Variants in CACNA1C observed in about 807,000 individuals in gnomAD.
The protein encoded by CACNA1C is calcium voltage-gated channel subunit alpha1 C, also known as voltage-dependent L-type calcium channel subunit alpha-1C.
In CACNA1C, 30 loss-of-function variants were observed where a neutral mutation model predicts 229.0. The ratio of observed to expected loss-of-function variants is 0.13; its 90% CI spans 0.10 to 0.18. The LOEUF is 0.18. CACNA1C is among the 10% of genes least tolerant of loss of function. The pLI is 1.00. For missense variants in CACNA1C, 1,658 were observed against 2,845.0 expected (o/e 0.58, Z 9.49); for synonymous variants, 1,114 against 1,132.5 (o/e 0.98, Z 0.33).
Position 1,997,856 on chromosome 12 carries a change from C to T in CACNA1C, c.139+26655C>T, listed in dbSNP as rs138922344. 1.1e-3 allele frequency: 1,254 copies of T among 1,131,718 alleles called. 11 individuals carry two copies. In the African/African-American group the frequency reaches 0.018, roughly 16 times the overall value. The allele number at this position is 1,131,718 out of a possible 1,614,324, so 70.1% of individuals were successfully genotyped here. ...CTTCTTTTTGAAATAAAACTGCATG[C>T]ACTTGAAGAAGAGTGACACAACGGA... On this transcript the variant is annotated intron_variant, in intron 1 of 46. Coordinates refer to the CACNA1C transcript ENST00000682462.
chr12:2,677,101 G>A lies in CACNA1C; in HGVS notation c.4836G>A (p.Glu1612=). The A allele has an allele frequency of 6.2e-7, 1 of 1,613,166 alleles. No individual in the cohort carries two copies. The highest frequency in any genetic ancestry group is 1.3e-5 in the African/African-American group (1 of 75,022). ...DQVVPPAGDD[E]VTVGKFYATF... ...CCTCTCCATACGTCTCAGATGATGA[G>A]GTCACCGTTGGCAAGTTCTACGCCA... The change falls in exon 40 of 47, where the codon GAG becomes GAA. Residue 1612 remains glutamate (E), a synonymous_variant. Transcript: ENST00000399655. This position sits in a 1 kb window ranked among gnomAD's most constrained non-coding sequence, Gnocchi z 7.4.
intron 3 of CACNA1C, among the ~76,000 whole-genome samples, chr12:2,387,400 G>A (rs144155632): frequency 4.3e-4 from 66 of 152,204 alleles, no homozygotes; most frequent in African/African-American, 1.5e-3. Context: ...CAGGAGAATC[G>A]CTTGAAACCG....
rs1287236823 is a variant in CACNA1C, at chr12:2,664,978, C to T, written c.4386C>T (p.Leu1462=). 1 of 1,614,170 alleles carries T rather than the reference C, an allele frequency of 6.2e-7. No individual in the cohort carries two copies. Among genetic ancestry groups the T allele is most frequent in the Non-Finnish European group, 8.5e-7 (1 of 1,180,012 alleles). ...AVFYFISFYM[L]CAFLIINLFV... ...TCTACTTCATCAGCTTCTACATGCT[C>T]TGTGCCTTCCTGGTAAGCCAAGGGG... The change falls in exon 35 of 47, where the codon CTC becomes CTT. Residue 1462 remains leucine, a synonymous_variant. Coordinates refer to ENST00000399655, the MANE Select transcript of CACNA1C (RefSeq NM_000719.7).
chr12:2,262,049 A>G (rs764789871), intron 3 of CACNA1C, among the ~76,000 whole-genome samples: 12 of 152,368 alleles, frequency 7.9e-5, no homozygotes, highest in Non-Finnish European at 1.6e-4. Context: ...TCTGATCTAC[A>G]GCAGAGTCAG....
Position 2,449,003 on chromosome 12 carries a change from A to G in CACNA1C, c.505A>G (p.Ile169Val). Residue 169 changes from isoleucine (I) to valine (V), a missense_variant, in exon 4 of 47, where the codon ATT (isoleucine) becomes GTT (valine). By Grantham distance (29) the Ile-to-Val change is conservative. Coordinates refer to ENST00000399655, the MANE Select transcript of CACNA1C (RefSeq NM_000719.7). ...LERVEYLFLI[I>V]FTVEAFLKVI... The stretch of plus-strand genomic sequence containing the variant: ...ACGAGTGGAATATCTCTTTCTCATA[A>G]TTTTTACGGTGGAAGCGTTTTTAAA... 1 of 1,609,124 alleles carries G rather than the reference A, an allele frequency of 6.2e-7. No homozygotes were observed. Among genetic ancestry groups the G allele is most frequent in the Non-Finnish European group, 8.5e-7 (1 of 1,176,268 alleles).
chr12:2,610,393 G>T (rs868012800), intron 27 of CACNA1C, 148 bp from the exon 28 acceptor site: 1 of 732,360 alleles, frequency 1.4e-6, no homozygotes. Context: ...ACCTGTAAGT[G>T]AGCCGGAGCG....
intron 1 of CACNA1C, among the ~76,000 whole-genome samples, chr12:2,112,689 G>A (rs2154132362): frequency 6.6e-6 from 1 of 152,296 alleles, no homozygotes; most frequent in African/African-American, 2.4e-5. Context: ...TCTCCAAGAG[G>A]ACCTGAGGGG....
At chr12:2,059,353 A>G (rs2056533830) in intron 1 of CACNA1C, among the ~76,000 whole-genome samples, 1 of 151,724 alleles carries the variant, frequency 6.6e-6, no homozygotes, top group Non-Finnish European at 1.5e-5. Context: ...TTGGGATTGT[A>G]GGGACTGTAG....
intron 3 of CACNA1C, among the ~76,000 whole-genome samples, chr12:2,244,620 G>T (rs2072217719): frequency 6.6e-6 from 1 of 152,106 alleles, no homozygotes; most frequent in Non-Finnish European, 1.5e-5. Context: ...GGCATGAGGG[G>T]TGAAGCCACA....
intron 1 of CACNA1C, among the ~76,000 whole-genome samples, chr12:2,113,852 G>A (rs561308754): frequency 3.4e-4 from 52 of 152,324 alleles, no homozygotes; most frequent in African/African-American, 9.9e-4. Flanking sequence ...AAGCATATGT[G>A]CTGTCTTAGG....
chr12:2,622,828 G>T (rs2084052338), intron 29 of CACNA1C, among the ~76,000 whole-genome samples: 1 of 152,240 alleles, frequency 6.6e-6, no homozygotes, highest in Non-Finnish European at 1.5e-5. Context: ...CAATGGTCAG[G>T]GCAGCCTGAG....
At chr12:2,128,785 C>G (rs1453677094) in intron 3 of CACNA1C, among the ~76,000 whole-genome samples, 1 of 152,204 alleles carries the variant, frequency 6.6e-6, no homozygotes, top group Non-Finnish European at 1.5e-5. Context: ...GACTTCACAC[C>G]ATGTGCAGAT....
chr12:2,235,381 G>T (rs2066948343), intron 3 of CACNA1C, among the ~76,000 whole-genome samples: 1 of 152,236 alleles, frequency 6.6e-6, no homozygotes, highest in African/African-American at 2.4e-5. Context: ...CAGCTCAGCT[G>T]CTGGGCACTG....
In CACNA1C at chr12:2,691,229, ATT is replaced by A; in HGVS notation, c.*32_*33del. 1 of 1,509,520 alleles carries A rather than the reference ATT, an allele frequency of 6.6e-7. No individual in the cohort carries two copies. Among genetic ancestry groups the A allele is most frequent in the Non-Finnish European group, 8.8e-7 (1 of 1,131,024 alleles). The allele number at this position is 1,509,520 out of a possible 1,614,324, so 93.5% of individuals were successfully genotyped here. On this transcript the variant is annotated 3_prime_UTR_variant, in exon 47 of 47. Coordinates refer to ENST00000399655, the MANE Select transcript of CACNA1C (RefSeq NM_000719.7). ...CGCTGCCAGATGCGGGCTTTTTTTT[ATT>A]TGTTTCAATGTTCCTAATGGGTTCG...
intron 3 of CACNA1C, among the ~76,000 whole-genome samples, chr12:2,311,796 A>G (rs1192402454): frequency 6.6e-6 from 1 of 152,240 alleles, no homozygotes; most frequent in Non-Finnish European, 1.5e-5. Context: ...TAACTTCATC[A>G]TGGCATTTAA....
chr12:2,640,643 CAG>C (rs1242276169), intron 30 of CACNA1C, among the ~76,000 whole-genome samples: 1 of 152,160 alleles, frequency 6.6e-6, no homozygotes, highest in Non-Finnish European at 1.5e-5. Flanking sequence ...CAAGGCAGGG[CAG>C]AGAGTGTCCA....
At chr12:2,187,542 C>A (rs1029529702) in intron 3 of CACNA1C, among the ~76,000 whole-genome samples, 3 of 152,298 alleles carry the variant, frequency 2.0e-5, no homozygotes, top group Non-Finnish European at 2.9e-5. Flanking sequence ...TTAGTTTGTT[C>A]ATTCCTGGGA....
rs1303804193 is a variant in CACNA1C at position 2,567,181 on chromosome 12, C to T, written c.1670-388C>T. Among the ~76,000 whole-genome samples, 6 of 152,306 alleles carry T rather than the reference C, an allele frequency of 3.9e-5. No individual in the cohort carries two copies. In the South Asian group the frequency reaches 6.2e-4, roughly 16 times the overall value. On this transcript the variant is annotated intron_variant, in intron 12 of 46. Coordinates refer to ENST00000399655, the MANE Select transcript of CACNA1C (RefSeq NM_000719.7). ...TCCTGGGAGGCAGGGGGTCTAGTGG[C>T]GGAGAAGTCAGACTCAGACAGTGCG...
chr12:2,192,621 T>C (rs938928624), intron 3 of CACNA1C, among the ~76,000 whole-genome samples: 2 of 152,242 alleles, frequency 1.3e-5, no homozygotes, highest in Non-Finnish European at 2.9e-5. Flanking sequence ...TTTTCCCTTA[T>C]GTGAAATGTG....
Sources: gnomAD v4.1 joint callset for allele counts (sites outside exome capture counted in the v4.1 genomes callset) on GRCh38, gnomAD v4.1.1 for gene constraint, Gnocchi (gnomAD v3.1) non-coding constraint, MANE v1.5 for transcripts, NCBI Gene and HGNC (gene_info 2026-07-23, HGNC 2026-07-21) for gene names.